The following CYB5R4 variants were observed in gnomAD, a reference collection of about 807,000 sequenced individuals.
The protein encoded by CYB5R4 is N-terminal cytochrome b5 and cytochrome b5 oxidoreductase domain-containing protein.
A neutral mutation model predicts 70.2 loss-of-function variants in CYB5R4; 55 were observed. The ratio of observed to expected loss-of-function variants is 0.78; its 90% CI spans 0.63 to 0.98. The LOEUF (loss-of-function observed/expected upper bound fraction) is 0.98, where lower values mean the gene tolerates loss of function less well. CYB5R4 is among the 50% of genes least tolerant of loss of function. The probability of loss-of-function intolerance (pLI) is 0.00; values close to 1 mark genes in which losing one functional copy is unlikely to be tolerated. For synonymous variants in CYB5R4, 197 were observed against 199.5 expected, an observed-to-expected ratio of 0.99 and a Z score of 0.11; for missense variants, 562 against 612.6, an observed-to-expected ratio of 0.92 and a Z score of 0.87.
intron 2 of CYB5R4, among the ~76,000 whole-genome samples, chr6:83,868,549 A>T (rs1441226156): frequency 6.6e-6 from 1 of 152,234 alleles, no homozygotes; most frequent in African/African-American, 2.4e-5. Context: ...TCTGTAAAGT[A>T]TGTAATTATT....
At chr6:83,869,181 A>G (rs568777556) in intron 2 of CYB5R4, among the ~76,000 whole-genome samples, 37 of 152,206 alleles carry the variant, frequency 2.4e-4, no homozygotes, top group Non-Finnish European at 4.7e-4. Context: ...TATTTTTTAA[A>G]ACTTGTGAAG....
intron 3 of CYB5R4, among the ~76,000 whole-genome samples, chr6:83,898,693 T>C (rs1000174910): frequency 6.6e-6 from 1 of 152,160 alleles, no homozygotes; most frequent in Non-Finnish European, 1.5e-5. Context: ...CCTTGTAAGT[T>C]GGATTCCTAG....
intron 2 of CYB5R4, among the ~76,000 whole-genome samples, chr6:83,883,580 T>G (rs2099459790): frequency 6.6e-6 from 1 of 152,014 alleles, no homozygotes; most frequent in African/African-American, 2.4e-5. Context: ...AGGATAAAGA[T>G]GAAATAAAGA....
chr6:83,915,012 G>GT (rs1446703335), intron 5 of CYB5R4, among the ~76,000 whole-genome samples: 1 of 152,092 alleles, frequency 6.6e-6, no homozygotes, highest in Admixed American at 6.6e-5. Context: ...GCAGTTAGGA[G>GT]TTTCTTCCTC....
At position 83,950,599 on chromosome 6, in the gene CYB5R4, A is replaced by G. The variant is rs921059678; in HGVS notation, c.1347-4699A>G. On this transcript the variant is annotated intron_variant, in intron 14 of 15. Coordinates refer to ENST00000369681, the MANE Select transcript of CYB5R4 (RefSeq NM_016230.4). ...TTTGTGGTATATAAATATAACAGGT[A>G]TTTTCCTTTTGTTTCAAATGAGTCG... Among the ~76,000 whole-genome samples, 10 of 152,104 alleles carry G rather than the reference A, an allele frequency of 6.6e-5. 1 individual carries two copies. The East Asian group carries it at 1.9e-3, about 29-fold the overall frequency.
intron 2 of CYB5R4, among the ~76,000 whole-genome samples, chr6:83,883,652 G>A (rs2099459802): frequency 6.6e-6 from 1 of 152,086 alleles, no homozygotes. Context: ...TAAGATAGAT[G>A]CTAAAAGGCA....
chr6:83,908,071 T>C (rs2099464094), intron 3 of CYB5R4, among the ~76,000 whole-genome samples: 1 of 150,748 alleles, frequency 6.6e-6, no homozygotes, highest in Admixed American at 6.6e-5. Context: ...TCCACAATGG[T>C]TGAACTAATT....
chr6:83,887,359 CAA>C (rs2099460415), intron 2 of CYB5R4, among the ~76,000 whole-genome samples: 1 of 152,214 alleles, frequency 6.6e-6, no homozygotes, highest in African/African-American at 2.4e-5. Context: ...TCTGACAACA[CAA>C]AGTACTAAAT....
intron 4 of CYB5R4, chr6:83,910,044 G>T (rs1323018097): frequency 1.9e-6 from 3 of 1,612,360 alleles, no homozygotes; most frequent in South Asian, 1.1e-5. Flanking sequence ...CGCATGCATT[G>T]GACAGCTCTT....
chr6:83,916,423 C>T (rs2099465521), intron 5 of CYB5R4, among the ~76,000 whole-genome samples: 1 of 152,160 alleles, frequency 6.6e-6, no homozygotes, highest in South Asian at 2.1e-4. Context: ...AGAGAAACAA[C>T]ATTAATCTCT....
chr6:83,949,327 A>C (rs1195180412), intron 14 of CYB5R4, among the ~76,000 whole-genome samples: 1 of 152,122 alleles, frequency 6.6e-6, no homozygotes. Context: ...CCATACAAAA[A>C]AGGAAAGTAA....
intron 15 of CYB5R4, among the ~76,000 whole-genome samples, chr6:83,957,652 C>T (rs983491388): frequency 6.7e-6 from 1 of 148,932 alleles, no homozygotes; most frequent in African/African-American, 2.5e-5. Context: ...AAAAATTGAC[C>T]AGAACCTATA....
At chr6:83,933,733 C>T (rs1355408863) in intron 10 of CYB5R4, among the ~76,000 whole-genome samples, 1 of 152,088 alleles carries the variant, frequency 6.6e-6, no homozygotes, top group African/African-American at 2.4e-5. Context: ...ATTATTTGCT[C>T]TGTATACAAA....
At chr6:83,951,031 G>T (rs2099471435) in intron 14 of CYB5R4, among the ~76,000 whole-genome samples, 1 of 152,178 alleles carries the variant, frequency 6.6e-6, no homozygotes, top group South Asian at 2.1e-4. Flanking sequence ...TAGAGGCCAG[G>T]ATTGCTACAA....
chr6:83,919,784 GT>G, intron 7 of CYB5R4, among the ~76,000 whole-genome samples: 1 of 149,720 alleles, frequency 6.7e-6, no homozygotes, highest in African/African-American at 2.4e-5. Flanking sequence ...GTGTGTGTGT[GT>G]GTGTGTGTGT....
At chr6:83,881,620 T>C (rs2129131645) in intron 2 of CYB5R4, among the ~76,000 whole-genome samples, 1 of 152,338 alleles carries the variant, frequency 6.6e-6, no homozygotes, top group Non-Finnish European at 1.5e-5. Context: ...TACATAAGCT[T>C]TAGTTTCACC....
intron 6 of CYB5R4, among the ~76,000 whole-genome samples, chr6:83,918,289 A>G (rs1460386666): frequency 1.3e-5 from 2 of 152,216 alleles, no homozygotes; most frequent in South Asian, 2.1e-4. Context: ...TTAAACACCA[A>G]TACTTTAAAA....
rs2099473082 is a variant in CYB5R4, at chr6:83,960,067, T to A, written c.*189T>A. Reference sequence around the variant, plus strand: ...CTTTCTTTTGTACCACAACTTATTTTACTACTGATATTTGACCTGGAAAGT... The same window carrying A: ...CTTTCTTTTGTACCACAACTTATTTAACTACTGATATTTGACCTGGAAAGT... On this transcript the variant is annotated 3_prime_UTR_variant, in exon 16 of 16. Coordinates refer to ENST00000369681, the MANE Select transcript of CYB5R4 (RefSeq NM_016230.4). The A allele has an allele frequency of 2.3e-6, 1 of 427,234 alleles. No homozygotes were observed. The highest frequency in any genetic ancestry group is 2.1e-5 in the African/African-American group (1 of 47,964). The allele number at this position is 427,234 out of a possible 1,614,324, so 26.5% of individuals were successfully genotyped here.
chr6:83,894,496 T>C (rs1022638403), intron 3 of CYB5R4, among the ~76,000 whole-genome samples: 5 of 152,192 alleles, frequency 3.3e-5, no homozygotes, highest in African/African-American at 1.2e-4. Context: ...TTGACCATGT[T>C]GCCAGAAATA....
Sources: allele counts gnomAD v4.1 joint callset (sites outside exome capture counted in the v4.1 genomes callset), GRCh38; gene constraint gnomAD v4.1.1; transcripts MANE v1.5; gene names NCBI Gene and HGNC (gene_info 2026-07-23, HGNC 2026-07-21).